CXADR: variants seen among roughly 807,000 people sequenced by gnomAD.
CXADR encodes coxsackievirus and adenovirus receptor.
A neutral mutation model predicts 40.3 loss-of-function variants in CXADR; 20 were observed. The observed-to-expected ratio is 0.50, with a 90% confidence interval of 0.35 to 0.72. The LOEUF is 0.72. CXADR is among the 30% of genes least tolerant of loss of function. The pLI, the probability that CXADR is intolerant of heterozygous loss-of-function variation, is 0.01. For missense variants in CXADR, 332 were observed against 449.1 expected, an observed-to-expected ratio of 0.74 and a Z score of 2.36; for synonymous variants, 150 against 161.3, an observed-to-expected ratio of 0.93 and a Z score of 0.53.
intron 1 of CXADR, among the ~76,000 whole-genome samples, chr21:17,542,324 T>C (rs1198432162): frequency 6.6e-6 from 1 of 152,236 alleles, no homozygotes; most frequent in African/African-American, 2.4e-5. Flanking sequence ...ACGCATGTTA[T>C]CAGTTCATAA....
At chr21:17,550,173 G>A (rs539588750) in intron 2 of CXADR, among the ~76,000 whole-genome samples, 41 of 152,052 alleles carry the variant, frequency 2.7e-4, no homozygotes, top group Non-Finnish European at 5.1e-4. Context: ...AGGCCAATGT[G>A]GTGAAACCCT....
Position 17,568,198 on chromosome 21 carries a change from G to C in CXADR, c.*2506G>C. ...GGCTGGAGTGCAGTGGCGGGATCTC[G>C]GCTCACTGCAAGCTCCGCCTCCCAG... is the stretch of plus-strand genomic sequence containing the variant. On this transcript the variant is annotated 3_prime_UTR_variant, in exon 7 of 7. Coordinates refer to ENST00000284878, the MANE Select transcript of CXADR (RefSeq NM_001338.5). The C allele has an allele frequency of 3.1e-6, 3 of 954,312 alleles. No homozygotes were observed. The highest frequency in any genetic ancestry group is 3.7e-6 in the Non-Finnish European group (3 of 809,888). 59.1% of individuals were successfully genotyped at this position (954,312 alleles called of 1,614,324 possible). A position where few individuals can be genotyped will look rare whatever the true frequency, so the allele number is the denominator to read the frequency against.
intron 1 of CXADR, among the ~76,000 whole-genome samples, chr21:17,537,519 A>G (rs149445043): frequency 6.6e-6 from 1 of 152,282 alleles, no homozygotes; most frequent in African/African-American, 2.4e-5. Context: ...GCAGTTGCCT[A>G]ACTCATAATT....
At chr21:17,590,434 A>G (rs866229481) in intron 7 of CXADR, among the ~76,000 whole-genome samples, 13 of 152,090 alleles carry the variant, frequency 8.5e-5, no homozygotes, top group South Asian at 8.3e-4. Flanking sequence ...GAACAAAGGA[A>G]CATAGAAGAT....
chr21:17,629,840 T>C, the CXADR span, among the ~76,000 whole-genome samples: 2 of 151,822 alleles, frequency 1.3e-5, no homozygotes, highest in African/African-American at 2.4e-5. Context: ...AATAAATAAA[T>C]AAATAAATAA....
intron 1 of CXADR, among the ~76,000 whole-genome samples, chr21:17,516,441 T>G (rs1324242181): frequency 1.3e-5 from 2 of 152,248 alleles, no homozygotes; most frequent in Admixed American, 6.5e-5. Context: ...TTTGAGGCAT[T>G]GTGAGGACAC....
chr21:17,523,167 A>G (rs1264149852), intron 1 of CXADR, among the ~76,000 whole-genome samples: 2 of 152,118 alleles, frequency 1.3e-5, no homozygotes, highest in Non-Finnish European at 2.9e-5. Context: ...AGCATGTTCT[A>G]ACCTTTATCA....
chr21:17,576,943 G>C (rs1365573170), intron 7 of CXADR: 2 of 152,046 alleles, frequency 1.3e-5, no homozygotes, highest in African/African-American at 4.8e-5. Context: ...TATATTTATA[G>C]TTAAACAATA....
the CXADR span, among the ~76,000 whole-genome samples, chr21:17,623,557 C>T: frequency 6.6e-6 from 1 of 152,180 alleles, no homozygotes; most frequent in East Asian, 1.9e-4. Flanking sequence ...AGAGGACTCC[C>T]TAATTAATCA....
rs181557550 is a variant in CXADR at position 17,553,531 on chromosome 21, G to A, written c.415+1578G>A. Among the ~76,000 whole-genome samples, 38 of 151,880 alleles carry A rather than the reference G, an allele frequency of 2.5e-4. No homozygotes were observed. In the East Asian group the frequency reaches 4.8e-3, roughly 19 times the overall value. On this transcript the variant is annotated intron_variant, in intron 3 of 6. Coordinates refer to ENST00000284878, the MANE Select transcript of CXADR (RefSeq NM_001338.5). ...GTAATGTTGGAAATTTGAATTTTCT[G>A]TGTCTTCATTGAGTAAACATGGAGT...
At chr21:17,605,281 C>G in the CXADR span, 1 of 240,094 alleles carries the variant, frequency 4.2e-6, no homozygotes. Context: ...TAAATGAGCA[C>G]GGAGTATGAA....
In CXADR at chr21:17,518,832, T is replaced by C. The variant is rs545761716; in HGVS notation, c.43+5660T>C. 5.6e-5 allele frequency: 88 copies of C among 1,562,550 alleles called. No individual in the cohort carries two copies. The African/African-American group carries it at 1.2e-3, about 21-fold the overall frequency. On this transcript the variant is annotated intron_variant, in intron 1 of 6. Transcript: ENST00000284878. ...CATCATCTTTAATCATGTTCATCTCTTCAATACCAACTATATTATTCACAG... is the reference window on the plus strand; with the variant it reads ...CATCATCTTTAATCATGTTCATCTCCTCAATACCAACTATATTATTCACAG...
chr21:17,553,033 T>C (rs141393968), intron 3 of CXADR, among the ~76,000 whole-genome samples: 2,055 of 152,190 alleles, frequency 0.014, 44 homozygotes, highest in African/African-American at 0.045. Context: ...AGTGATTCTC[T>C]TGCCTCAGCC....
the CXADR span, among the ~76,000 whole-genome samples, chr21:17,631,542 T>G: frequency 6.6e-6 from 1 of 152,228 alleles, no homozygotes; most frequent in Admixed American, 6.5e-5. Flanking sequence ...TGATGAATTC[T>G]AAATATACTA....
intron 1 of CXADR, chr21:17,542,951 A>T (rs1026540244): frequency 8.1e-6 from 2 of 246,554 alleles, no homozygotes; most frequent in Non-Finnish European, 1.7e-5. Flanking sequence ...TTCCTCTGTG[A>T]AAAGAGGCCC....
At chr21:17,579,353 T>C (rs566060613) in intron 7 of CXADR, among the ~76,000 whole-genome samples, 19 of 151,926 alleles carry the variant, frequency 1.3e-4, no homozygotes, top group Admixed American at 7.2e-4. Context: ...GGTGCAGTCT[T>C]GGCTCACTGC....
In CXADR at chr21:17,549,861, A is replaced by G. The variant is rs533980678; in HGVS notation, c.211-1888A>G. 3.0e-4 allele frequency among the ~76,000 whole-genome samples: 46 copies of G among 152,348 alleles called. 1 individual carries two copies. In the South Asian group the frequency reaches 9.5e-3, roughly 32 times the overall value. On this transcript the variant is annotated intron_variant, in intron 2 of 6. Coordinates refer to ENST00000284878, the MANE Select transcript of CXADR (RefSeq NM_001338.5). ...ATGATAAGCCTTTTAATCAAAGGAA[A>G]TTAATCAAAGGAAGATAGAGTAGCC...
At chr21:17,518,523 G>A (rs2060489482) in intron 1 of CXADR, 1 of 950,796 alleles carries the variant, frequency 1.1e-6, no homozygotes, top group Non-Finnish European at 1.7e-6. Flanking sequence ...CAAAAACCAT[G>A]CCAGCTTCAT....
In CXADR at chr21:17,584,739, G is replaced by A. The variant is rs192915752; in HGVS notation, c.1018-8413G>A. On this transcript the variant is annotated intron_variant, in intron 7 of 7. Coordinates refer to the CXADR transcript ENST00000400169. ...CCAGCTACTCTGGAGGCTGAGGCAG[G>A]AGAATTGCTTGAACCCAGGAGGCGG... Among the ~76,000 whole-genome samples, 7 of 152,330 alleles carry A rather than the reference G, an allele frequency of 4.6e-5. No homozygotes were observed. The East Asian group carries it at 1.3e-3, about 29-fold the overall frequency.
Sources: allele counts gnomAD v4.1 joint callset (sites outside exome capture counted in the v4.1 genomes callset), GRCh38; gene constraint gnomAD v4.1.1; transcripts MANE v1.5; gene names NCBI Gene and HGNC (gene_info 2026-07-23, HGNC 2026-07-21).